The following RAB38 variants were observed in gnomAD, a reference collection of about 807,000 sequenced individuals.
The protein encoded by RAB38 is ras-related protein Rab-38.
A neutral mutation model predicts 18.4 loss-of-function variants in RAB38; 15 were observed. That is an observed-to-expected ratio of 0.82 (90% confidence interval 0.55 to 1.26). The LOEUF is 1.26. Ranked by LOEUF, RAB38 falls within the 50% of genes most tolerant of loss-of-function variation. The pLI is 0.00. For missense variants in RAB38, 294 were observed against 267.4 expected, an observed-to-expected ratio of 1.10 and a Z score of -0.69; for synonymous variants, 101 against 104.4, an observed-to-expected ratio of 0.97 and a Z score of 0.20.
chr11:88,130,202 C>G (rs577875779), intron 2 of RAB38, among the ~76,000 whole-genome samples: 1 of 151,976 alleles, frequency 6.6e-6, no homozygotes, highest in East Asian at 1.9e-4. Flanking sequence ...CATGAGTAAT[C>G]CAAGGAAGAA....
chr11:87,963,938 T>C, the RAB38 span, among the ~76,000 whole-genome samples: 2 of 152,044 alleles, frequency 1.3e-5, no homozygotes. Flanking sequence ...GAGCCACCGC[T>C]CACTAAAGGT....
At chr11:87,858,877 T>G in the RAB38 span, among the ~76,000 whole-genome samples, 1 of 151,084 alleles carries the variant, frequency 6.6e-6, no homozygotes, top group Non-Finnish European at 1.5e-5. Context: ...ATGGTGACAG[T>G]ATACCATAAA....
At chr11:87,914,024 C>T in the RAB38 span, among the ~76,000 whole-genome samples, 1 of 151,694 alleles carries the variant, frequency 6.6e-6, no homozygotes, top group Non-Finnish European at 1.5e-5. Context: ...AAAACTGGTA[C>T]CAGGAATGGA....
At chr11:88,033,724 CCTT>C in the RAB38 span, among the ~76,000 whole-genome samples, 3 of 80,794 alleles carry the variant, frequency 3.7e-5, no homozygotes, top group Non-Finnish European at 8.2e-5. Flanking sequence ...TGTTGTGTTG[CCTT>C]TTTTTTTTTT....
At chr11:87,931,828 A>T in the RAB38 span, among the ~76,000 whole-genome samples, 1 of 152,042 alleles carries the variant, frequency 6.6e-6, no homozygotes, top group Non-Finnish European at 1.5e-5. Flanking sequence ...GACAAGAACA[A>T]AATGAGATGA....
At chr11:87,899,462 G>A in the RAB38 span, among the ~76,000 whole-genome samples, 1 of 151,628 alleles carries the variant, frequency 6.6e-6, no homozygotes, top group Admixed American at 6.6e-5. Context: ...GGAGAGAGAA[G>A]CTGTACTTTT....
At chr11:88,088,825 A>C in the RAB38 span, among the ~76,000 whole-genome samples, 1 of 151,896 alleles carries the variant, frequency 6.6e-6, no homozygotes, top group Non-Finnish European at 1.5e-5. Flanking sequence ...CATCAAGAAA[A>C]ACCAAAACCA....
the RAB38 span, among the ~76,000 whole-genome samples, chr11:87,962,819 T>TA: frequency 6.6e-6 from 1 of 152,082 alleles, no homozygotes; most frequent in Admixed American, 6.6e-5. Context: ...GTTTTCACCA[T>TA]AAAAAAATAA....
chr11:87,950,899 A>T, the RAB38 span, among the ~76,000 whole-genome samples: 1 of 152,034 alleles, frequency 6.6e-6, no homozygotes, highest in Non-Finnish European at 1.5e-5. Flanking sequence ...TCTTTGTGGC[A>T]TTCTCTGTAT....
chr11:87,849,245 GT>G, the RAB38 span, among the ~76,000 whole-genome samples: 1 of 152,122 alleles, frequency 6.6e-6, no homozygotes, highest in Non-Finnish European at 1.5e-5. Flanking sequence ...CTTGGGGTTT[GT>G]ACCCAAGTTT....
chr11:88,173,278 T>G (rs1943333163), intron 1 of RAB38, among the ~76,000 whole-genome samples: 1 of 152,232 alleles, frequency 6.6e-6, no homozygotes, highest in African/African-American at 2.4e-5. Context: ...ATAATAATCC[T>G]TGCAGATCTC....
intron 2 of RAB38, among the ~76,000 whole-genome samples, chr11:88,136,564 A>G (rs1784620423): frequency 6.6e-6 from 1 of 152,236 alleles, no homozygotes; most frequent in African/African-American, 2.4e-5. Context: ...CAGAAGAGAC[A>G]GGGCCTTTGT....
At chr11:88,165,852 G>A (rs538773117) in intron 1 of RAB38, 10 of 151,892 alleles carry the variant, frequency 6.6e-5, no homozygotes, top group Non-Finnish European at 1.3e-4. Flanking sequence ...CTCACAGCAG[G>A]ATTTACTAAA....
the RAB38 span, among the ~76,000 whole-genome samples, chr11:87,869,289 T>A: frequency 1.3e-5 from 2 of 149,952 alleles, no homozygotes; most frequent in South Asian, 4.2e-4. Flanking sequence ...ATCTATCTCA[T>A]TTAATCTTCC....
At chr11:88,147,570 T>TTA (rs1022061177) in intron 2 of RAB38, among the ~76,000 whole-genome samples, 4 of 128,488 alleles carry the variant, frequency 3.1e-5, no homozygotes, top group Non-Finnish European at 5.1e-5. Context: ...ATTTTGGAAT[T>TTA]AAAAAAAAAA....
At chr11:88,007,789 T>C in the RAB38 span, among the ~76,000 whole-genome samples, 2 of 152,044 alleles carry the variant, frequency 1.3e-5, no homozygotes, top group African/African-American at 2.4e-5. Context: ...ATATTGCTTA[T>C]AAAAGCCCTA....
chr11:88,003,696 T>C, the RAB38 span, among the ~76,000 whole-genome samples: 11 of 3,620 alleles, frequency 3.0e-3, 4 homozygotes, highest in African/African-American at 0.021. Context: ...ATATTATATA[T>C]AATATATTGT....
the RAB38 span, among the ~76,000 whole-genome samples, chr11:88,018,035 C>A: frequency 6.6e-6 from 1 of 152,104 alleles, no homozygotes; most frequent in African/African-American, 2.4e-5. Flanking sequence ...TTTCACCTTC[C>A]TCCACGATTG....
chr11:88,007,735 C>T, the RAB38 span, among the ~76,000 whole-genome samples: 11,426 of 151,996 alleles, frequency 0.075, 528 homozygotes, highest in South Asian at 0.15. Flanking sequence ...TGAAATTCTA[C>T]TCTAAGGAGA....
Sources: allele counts gnomAD v4.1 joint callset (sites outside exome capture counted in the v4.1 genomes callset), GRCh38; gene constraint gnomAD v4.1.1; transcripts MANE v1.5; gene names NCBI Gene and HGNC (gene_info 2026-07-23, HGNC 2026-07-21).